PLAUR: variants seen among roughly 807,000 people sequenced by gnomAD.
The protein encoded by PLAUR is plasminogen activator, urokinase receptor.
A neutral mutation model predicts 33.4 loss-of-function variants in PLAUR; 22 were observed. The ratio of observed to expected loss-of-function variants is 0.66; its 90% CI spans 0.47 to 0.94. The LOEUF (loss-of-function observed/expected upper bound fraction) is 0.94, where lower values mean the gene tolerates loss of function less well. Among genes scored for constraint, PLAUR ranks in the 40% least tolerant of loss-of-function variants. PLAUR has a pLI of 0.00. For synonymous variants in PLAUR, 148 were observed against 167.3 expected (o/e 0.88, Z 0.89); for missense variants, 408 against 434.7 (o/e 0.94, Z 0.55).
chr19:43,667,764 T>A, intron 1 of PLAUR, 73 bp from the exon 2 acceptor site: 1 of 1,559,366 alleles, frequency 6.4e-7, no homozygotes. Flanking sequence ...CCCCTGCATG[T>A]CCCAATACCA....
chr19:43,648,620 T>C lies in PLAUR; in HGVS notation c.*270A>G. The C allele has an allele frequency of 1.2e-6, 1 of 851,722 alleles. No individual in the cohort carries two copies. The highest frequency in any genetic ancestry group is 1.7e-5 in the African/African-American group (1 of 57,342). The allele number at this position is 851,722 out of a possible 1,614,324, so 52.8% of individuals were successfully genotyped here. A position where few individuals can be genotyped will look rare whatever the true frequency, so the allele number is the denominator to read the frequency against. ...CTTTATGTAAGTATAAAATAAATAATATGAATATTAATTAATAACAACAAC... is the reference window on the plus strand; with the variant it reads ...CTTTATGTAAGTATAAAATAAATAACATGAATATTAATTAATAACAACAAC... On this transcript the variant is annotated 3_prime_UTR_variant, in exon 7 of 7. Coordinates refer to ENST00000340093, the MANE Select transcript of PLAUR (RefSeq NM_002659.4).
intron 6 of PLAUR, among the ~76,000 whole-genome samples, chr19:43,650,582 T>A (rs1036803120): frequency 1.3e-5 from 2 of 152,148 alleles, no homozygotes; most frequent in Admixed American, 1.3e-4. Flanking sequence ...CACCTTGGCC[T>A]CCCAAAGTAT....
rs3052823 is a variant in PLAUR, at chr19:43,659,167, C to CTT, written c.311-2529_311-2528dup. On this transcript the variant is annotated intron_variant, in intron 3 of 6. Transcript: ENST00000340093. The stretch of plus-strand genomic sequence containing the variant: ...GCTATTTTCCTTTTTCTTTTCTTTT[C>CTT]TTTTTTTTTTTTTTTGAGATAGGGT... 2.2e-4 allele frequency among the ~76,000 whole-genome samples: 21 copies of CTT among 97,136 alleles called. 2 individuals carry two copies. The highest frequency in any genetic ancestry group is 7.2e-4 in the African/African-American group (18 of 25,020). 63.7% of individuals were successfully genotyped at this position (97,136 alleles called of 152,430 possible).
Position 43,670,082 on chromosome 19 carries a change from G to A in PLAUR, c.39C>T (p.Leu13=), listed in dbSNP as rs1568568715. ...HPPLLPLLLL[L]HTCVPASWGL... ...AGCCCCTACCTGGGACGCAGGTGTGGAGCAGCAGCAGCAGCGGCAGCAGCG... is the reference window on the plus strand; with the variant it reads ...AGCCCCTACCTGGGACGCAGGTGTGAAGCAGCAGCAGCAGCGGCAGCAGCG... Residue 13 remains leucine, a synonymous_variant, in exon 1 of 7, where the codon CTC becomes CTT. Transcript: ENST00000340093. 1.2e-6 allele frequency: 2 copies of A among 1,613,060 alleles called. No individual in the cohort carries two copies.
intron 3 of PLAUR, 57 bp from the exon 4 acceptor site, chr19:43,656,697 G>A (rs922707428): frequency 2.3e-5 from 33 of 1,415,704 alleles, no homozygotes; most frequent in Non-Finnish European, 3.2e-5. Context: ...TGGAGCCCCA[G>A]CTCTGCAAGG....
rs776772011 is a variant in PLAUR at position 43,656,549 on chromosome 19, G to T, written c.402C>A (p.Ser134Arg). The change falls in exon 4 of 7, where the codon AGC becomes AGA. Residue 134 changes from serine (S) to arginine (R), a missense_variant. Coordinates refer to ENST00000340093, the MANE Select transcript of PLAUR (RefSeq NM_002659.4). Reference protein sequence around the residue: ...DMSCERGRHQSLQCRSPEEQC... With the variant: ...DMSCERGRHQRLQCRSPEEQC... ...GTTCTTCAGGGCTGCGGCACTGCAG[G>T]CTCTGGTGCCGGCCCCTCTCACAGC... 6.8e-6 allele frequency: 11 copies of T among 1,612,966 alleles called. No individual in the cohort carries two copies. The South Asian group carries it at 8.8e-5, about 13-fold the overall frequency.
chr19:43,653,154 A>T (rs1304448342), intron 5 of PLAUR, among the ~76,000 whole-genome samples: 3 of 152,184 alleles, frequency 2.0e-5, no homozygotes, highest in African/African-American at 7.2e-5. Flanking sequence ...TCTGGTAGCC[A>T]CTGGCCACAT....
intron 1 of PLAUR, 22 bp from the exon 2 acceptor site, chr19:43,667,713 G>A: frequency 9.3e-6 from 15 of 1,612,356 alleles, no homozygotes; most frequent in Non-Finnish European, 1.1e-5. Context: ...AGGGAGAGGA[G>A]AGGAGAGGTT....
chr19:43,660,699 C>T (rs1283824906), intron 3 of PLAUR: 1 of 151,904 alleles, frequency 6.6e-6, no homozygotes, highest in East Asian at 1.9e-4. Flanking sequence ...TGATATAGCA[C>T]ACTACAGCCC....
chr19:43,665,510 G>T, intron 2 of PLAUR, 51 bp from the exon 3 acceptor site: 1 of 1,593,348 alleles, frequency 6.3e-7, no homozygotes, highest in Non-Finnish European at 8.6e-7. Context: ...AGCTCAACCA[G>T]CCTCTGACAC....
intron 3 of PLAUR, among the ~76,000 whole-genome samples, chr19:43,659,718 C>T (rs1974365005): frequency 6.6e-6 from 1 of 152,192 alleles, no homozygotes; most frequent in African/African-American, 2.4e-5. Context: ...CCATCCAGTC[C>T]CCGGGGCAGA....
rs1384111911 is a variant in PLAUR at position 43,648,697 on chromosome 19, G to A, written c.*193C>T. The A allele has an allele frequency of 6.3e-6, 5 of 790,716 alleles. No individual in the cohort carries two copies. Among genetic ancestry groups the A allele is most frequent in the African/African-American group, 3.5e-5 (2 of 57,518 alleles). 49.0% of individuals were successfully genotyped at this position (790,716 alleles called of 1,614,324 possible). ...AACAAGAGCTCTCCCATTGGCCCAC[G>A]GCCTTCCTCCAGCTTTTCTCTTCTG... On this transcript the variant is annotated 3_prime_UTR_variant, in exon 7 of 7. Transcript: ENST00000340093.
At position 43,649,003 on chromosome 19, in the gene PLAUR, C is replaced by T; in HGVS notation, c.895G>A (p.Asp299Asn). 6.2e-7 allele frequency: 1 copy of T among 1,614,166 alleles called. No homozygotes were observed. Among genetic ancestry groups the T allele is most frequent in the Non-Finnish European group, 8.5e-7 (1 of 1,180,016 alleles). The change falls in exon 7 of 7, where the codon GAT becomes AAT. Residue 299 changes from aspartate (D) to asparagine (N), a missense_variant. Transcript: ENST00000340093. ...TKSGCNHPDLDVQYRSGAAPQ... is the reference protein window; with the variant it reads ...TKSGCNHPDLNVQYRSGAAPQ... ...GCAGCCCCACTGCGGTACTGGACAT[C>T]CAGGTCTGGGTGGTTACAGCCACTT...
At chr19:43,668,384 G>T (rs1003742413) in intron 1 of PLAUR, 1 of 856,906 alleles carries the variant, frequency 1.2e-6, no homozygotes, top group Non-Finnish European at 1.4e-6. Flanking sequence ...AGCTCTTCCT[G>T]ACCTTATCTT....
chr19:43,648,823 C>A lies in PLAUR; in HGVS notation c.*67G>T. On this transcript the variant is annotated 3_prime_UTR_variant, in exon 7 of 7. Coordinates refer to ENST00000340093, the MANE Select transcript of PLAUR (RefSeq NM_002659.4). Reference sequence around the variant, plus strand: ...GAGGTCACACAGCAAGTCTGTAGGGCTGGGAGCCGAGGGAAGGGCAAAGGG... The same window carrying A: ...GAGGTCACACAGCAAGTCTGTAGGGATGGGAGCCGAGGGAAGGGCAAAGGG... 6.6e-7 allele frequency: 1 copy of A among 1,525,486 alleles called. No homozygotes were observed. 94.5% of individuals were successfully genotyped at this position (1,525,486 alleles called of 1,614,324 possible).
Position 43,648,927 on chromosome 19 carries a change from G to C in PLAUR, c.971C>G (p.Thr324Ser). Residue 324 changes from threonine (T) to serine (S), a missense_variant, in exon 7 of 7, where the codon ACT becomes AGT. Transcript: ENST00000340093. ...HLSLTITLLMTARLWGGTLLW... is the reference protein window; with the variant it reads ...HLSLTITLLMSARLWGGTLLW... ...GAGAGTGCCTCCCCACAGTCTGGCA[G>C]TCATTAGCAGGGTGATGGTGAGGCT... is the stretch of plus-strand genomic sequence containing the variant. 6.2e-7 allele frequency: 1 copy of C among 1,614,168 alleles called. No homozygotes were observed. Among genetic ancestry groups the C allele is most frequent in the Non-Finnish European group, 8.5e-7 (1 of 1,180,014 alleles).
intron 6 of PLAUR, chr19:43,651,829 G>T: frequency 2.0e-6 from 2 of 1,012,136 alleles, no homozygotes; most frequent in South Asian, 4.0e-5. Flanking sequence ...CAGGATGAAA[G>T]CCCAAGATGT....
At chr19:43,647,173 C>T (rs1973838894), downstream of PLAUR, among the ~76,000 whole-genome samples, 1 of 152,214 alleles carries the variant, frequency 6.6e-6, no homozygotes, top group African/African-American at 2.4e-5. Context: ...ATGAGAAGAA[C>T]ATGAATTTTT....
chr19:43,663,736 G>A (rs1217882305), intron 3 of PLAUR, among the ~76,000 whole-genome samples: 1 of 150,764 alleles, frequency 6.6e-6, no homozygotes, highest in African/African-American at 2.4e-5. Flanking sequence ...AGCCGAGATC[G>A]TGGCATTGCA....
Sources: gnomAD v4.1 joint callset for allele counts (sites outside exome capture counted in the v4.1 genomes callset) on GRCh38, gnomAD v4.1.1 for gene constraint, MANE v1.5 for transcripts, NCBI Gene and HGNC (gene_info 2026-07-23, HGNC 2026-07-21) for gene names.